The following DOCK7 variants were observed in gnomAD, a reference collection of about 807,000 sequenced individuals.
DOCK7 encodes dedicator of cytokinesis 7.
A neutral mutation model predicts 271.0 loss-of-function variants in DOCK7; 138 were observed. The ratio of observed to expected loss-of-function variants is 0.51; its 90% confidence interval spans 0.44 to 0.59. The LOEUF (loss-of-function observed/expected upper bound fraction) is 0.59. Among genes scored for constraint, DOCK7 ranks in the 20% least tolerant of loss-of-function variants. DOCK7 has a pLI of 0.00. For missense variants in DOCK7, 2,066 were observed against 2,592.4 expected, an observed-to-expected ratio of 0.80 and a Z score of 4.41; for synonymous variants, 823 against 876.1, an observed-to-expected ratio of 0.94 and a Z score of 1.07.
rs764312302 is a variant in DOCK7, at chr1:62,537,872, A to G, written c.3471+19T>C. On this transcript the variant is annotated intron_variant, in intron 28 of 49. Coordinates refer to ENST00000635253, the MANE Select transcript of DOCK7 (RefSeq NM_001367561.1). Reference sequence around the variant, plus strand: ...CAAAAGTGACTTTAAATATATGTATATTCACACAATTTGCATACCTGAGAT... The same window carrying G: ...CAAAAGTGACTTTAAATATATGTATGTTCACACAATTTGCATACCTGAGAT... The G allele has an allele frequency of 3.2e-5, 52 of 1,604,950 alleles. No homozygotes were observed. The highest frequency in any genetic ancestry group is 4.3e-5 in the Non-Finnish European group (50 of 1,173,464).
chr1:62,565,447 C>T (rs1425530413), intron 18 of DOCK7, among the ~76,000 whole-genome samples: 1 of 152,056 alleles, frequency 6.6e-6, no homozygotes, highest in Non-Finnish European at 1.5e-5. Context: ...TAAACAGAAC[C>T]AATGACAAAA....
intron 31 of DOCK7, among the ~76,000 whole-genome samples, chr1:62,517,122 G>A (rs1307068492): frequency 6.6e-6 from 1 of 152,076 alleles, no homozygotes; most frequent in Non-Finnish European, 1.5e-5. Flanking sequence ...TAAATATCCT[G>A]TGCTATTTTT....
chr1:62,490,060 CTT>C (rs34084769), intron 41 of DOCK7, among the ~76,000 whole-genome samples: 4 of 126,142 alleles, frequency 3.2e-5, no homozygotes, highest in African/African-American at 5.9e-5. Flanking sequence ...ATCCCTTATC[CTT>C]TTTTTTTTTT....
intron 23 of DOCK7, 37 bp downstream of exon 23, chr1:62,544,910 C>T: frequency 2.0e-6 from 3 of 1,470,290 alleles, no homozygotes; most frequent in Non-Finnish European, 2.8e-6. Context: ...AGGGAAACAT[C>T]AGCAGCCAAT....
intron 29 of DOCK7, 141 bp downstream of exon 29, chr1:62,535,352 G>A (rs889437995): frequency 7.6e-6 from 5 of 653,868 alleles, no homozygotes; most frequent in East Asian, 2.9e-5. Context: ...AATAATATAA[G>A]TGAGAAACTT....
intron 23 of DOCK7, among the ~76,000 whole-genome samples, chr1:62,544,452 C>G (rs898169586): frequency 6.6e-6 from 1 of 152,072 alleles, no homozygotes; most frequent in Non-Finnish European, 1.5e-5. Context: ...TCTTATAGCA[C>G]GGGGATCATA....
chr1:62,631,832 C>T (rs781245370), intron 10 of DOCK7, among the ~76,000 whole-genome samples: 18 of 152,266 alleles, frequency 1.2e-4, no homozygotes, highest in Middle Eastern at 6.8e-3. Flanking sequence ...TAACATATAA[C>T]AACCATGAGT....
At chr1:62,604,014 A>G (rs1234180754) in intron 14 of DOCK7, 2 of 1,613,036 alleles carry the variant, frequency 1.2e-6, no homozygotes. Context: ...ATAGTGAAGC[A>G]ATCTAATTAT....
intron 31 of DOCK7, among the ~76,000 whole-genome samples, chr1:62,519,403 CAG>C (rs1156275543): frequency 5.3e-5 from 8 of 152,098 alleles, no homozygotes; most frequent in Non-Finnish European, 1.0e-4. Context: ...TGATATCATA[CAG>C]AGTTATGCTC....
intron 48 of DOCK7, among the ~76,000 whole-genome samples, chr1:62,460,723 C>T (rs1387031579): frequency 5.9e-5 from 9 of 152,036 alleles, no homozygotes; most frequent in African/African-American, 2.2e-4. Context: ...GTGGCACGAT[C>T]TCAGCTCACT....
intron 18 of DOCK7, among the ~76,000 whole-genome samples, chr1:62,568,490 AG>A (rs1646603506): frequency 6.7e-6 from 1 of 149,080 alleles, no homozygotes; most frequent in Admixed American, 6.7e-5. Context: ...TTTTAAGTAA[AG>A]ATGAGATTTC....
chr1:62,500,312 T>C (rs908694837), intron 37 of DOCK7, among the ~76,000 whole-genome samples: 1 of 151,868 alleles, frequency 6.6e-6, no homozygotes, highest in Non-Finnish European at 1.5e-5. Context: ...AACAATAACA[T>C]ATAATCAATT....
chr1:62,665,381 CTGAGA>C (rs1185613559), intron 1 of DOCK7, among the ~76,000 whole-genome samples: 3 of 152,120 alleles, frequency 2.0e-5, no homozygotes, highest in Middle Eastern at 3.4e-3. Flanking sequence ...CTCATCGAAG[CTGAGA>C]TGAGACTATG....
intron 42 of DOCK7, 58 bp from the exon 43 acceptor site, chr1:62,487,470 A>C: frequency 6.7e-7 from 1 of 1,482,384 alleles, no homozygotes; most frequent in Non-Finnish European, 9.4e-7. Flanking sequence ...AAAGAACAAA[A>C]AAGGCCAAAG....
intron 1 of DOCK7, among the ~76,000 whole-genome samples, chr1:62,680,327 C>T (rs934403459): frequency 1.1e-4 from 16 of 152,162 alleles, no homozygotes; most frequent in African/African-American, 3.9e-4. Flanking sequence ...GGAAACCTGG[C>T]TAGCCATATG....
chr1:62,685,597 C>A (rs1661639248), intron 1 of DOCK7, among the ~76,000 whole-genome samples: 1 of 152,070 alleles, frequency 6.6e-6, no homozygotes, highest in Non-Finnish European at 1.5e-5. Flanking sequence ...GATCTCCAGC[C>A]CAATCTCTCT....
chr1:62,499,442 T>G (rs1358463827), intron 37 of DOCK7, among the ~76,000 whole-genome samples: 1 of 152,164 alleles, frequency 6.6e-6, no homozygotes. Flanking sequence ...ATTCATTTAT[T>G]AGAAAAATGG....
intron 48 of DOCK7, among the ~76,000 whole-genome samples, chr1:62,464,804 C>G (rs767194994): frequency 2.0e-5 from 3 of 152,086 alleles, no homozygotes; most frequent in Non-Finnish European, 4.4e-5. Flanking sequence ...CATTTAACAA[C>G]ATAATTTGCA....
At chr1:62,515,588 T>A (rs1416966592) in intron 31 of DOCK7, among the ~76,000 whole-genome samples, 4 of 152,182 alleles carry the variant, frequency 2.6e-5, no homozygotes, top group Admixed American at 2.0e-4. Context: ...CACAGTGACA[T>A]CTCTGGGAAG....
Sources: gnomAD v4.1 joint callset for allele counts (sites outside exome capture counted in the v4.1 genomes callset) on GRCh38, gnomAD v4.1.1 for gene constraint, MANE v1.5 for transcripts, NCBI Gene and HGNC (gene_info 2026-07-23, HGNC 2026-07-21) for gene names.